Variants in ZNF385D observed in about 807,000 individuals in gnomAD.
The protein encoded by ZNF385D is zinc finger protein 659.
In ZNF385D, 15 loss-of-function variants were observed where a neutral mutation model predicts 35.8. The observed-to-expected ratio is 0.42, with a 90% CI of 0.28 to 0.64. The LOEUF (loss-of-function observed/expected upper bound fraction) is 0.64, where lower values mean the gene tolerates loss of function less well. Ranked by LOEUF, ZNF385D falls within the 30% of genes least tolerant of loss-of-function variation. The pLI is 0.23. For missense variants in ZNF385D, 474 were observed against 494.6 expected (o/e 0.96, Z 0.39); for synonymous variants, 212 against 186.8 (o/e 1.13, Z -1.10).
chr3:21,989,386 A>G (rs1417718418), intron 3 of ZNF385D, among the ~76,000 whole-genome samples: 1 of 152,142 alleles, frequency 6.6e-6, no homozygotes, highest in Non-Finnish European at 1.5e-5. Flanking sequence ...TCTCCAAATT[A>G]CGTAGGAATA....
At chr3:22,135,554 T>C (rs1270538477) in intron 3 of ZNF385D, among the ~76,000 whole-genome samples, 1 of 152,174 alleles carries the variant, frequency 6.6e-6, no homozygotes, top group East Asian at 1.9e-4. Flanking sequence ...TCAACTCTTC[T>C]TAAATTGATC....
At chr3:21,956,798 A>G (rs1350886116) in intron 3 of ZNF385D, among the ~76,000 whole-genome samples, 1 of 151,764 alleles carries the variant, frequency 6.6e-6, no homozygotes, top group Admixed American at 6.6e-5. Flanking sequence ...AAGACCTTCA[A>G]CAAAAGCATT....
intron 4 of ZNF385D, among the ~76,000 whole-genome samples, chr3:21,471,739 T>C (rs1703911307): frequency 6.6e-6 from 1 of 152,162 alleles, no homozygotes; most frequent in Admixed American, 6.6e-5. Flanking sequence ...TAAGACTTTT[T>C]AGTTTTGATA....
chr3:21,920,472 T>G (rs1700400636), intron 3 of ZNF385D, among the ~76,000 whole-genome samples: 1 of 152,122 alleles, frequency 6.6e-6, no homozygotes. Flanking sequence ...TAGTAGGTTT[T>G]TTTTAGGTTT....
intron 2 of ZNF385D, among the ~76,000 whole-genome samples, chr3:22,329,515 A>T (rs911350534): frequency 2.6e-5 from 4 of 152,184 alleles, no homozygotes; most frequent in Non-Finnish European, 5.9e-5. Flanking sequence ...TATTTATCTT[A>T]AAAATTATGT....
intron 2 of ZNF385D, among the ~76,000 whole-genome samples, chr3:22,317,447 T>TA (rs1013177918): frequency 1.3e-5 from 2 of 152,068 alleles, no homozygotes; most frequent in Admixed American, 1.3e-4. Context: ...ACAGAACTTC[T>TA]ACCTATTCTT....
intron 3 of ZNF385D, among the ~76,000 whole-genome samples, chr3:21,896,987 G>A (rs1435158231): frequency 1.3e-5 from 2 of 152,070 alleles, no homozygotes; most frequent in Non-Finnish European, 2.9e-5. Flanking sequence ...AGTGAGGAAT[G>A]AGTTACAATT....
chr3:21,937,624 T>A (rs2125264075), intron 3 of ZNF385D, among the ~76,000 whole-genome samples: 1 of 152,210 alleles, frequency 6.6e-6, no homozygotes, highest in South Asian at 2.1e-4. Flanking sequence ...AAATAAAAAA[T>A]TTTAAAAACC....
chr3:21,949,461 C>A (rs1575988552), intron 3 of ZNF385D, among the ~76,000 whole-genome samples: 1 of 151,514 alleles, frequency 6.6e-6, no homozygotes, highest in East Asian at 1.9e-4. Flanking sequence ...CTATTGAGCT[C>A]AAGTGTTTTA....
intron 2 of ZNF385D, among the ~76,000 whole-genome samples, chr3:22,238,900 T>C (rs923872433): frequency 1.3e-4 from 19 of 150,428 alleles, no homozygotes; most frequent in African/African-American, 4.7e-4. Flanking sequence ...GCAGTTATTT[T>C]TTCTTTTGCA....
At chr3:22,117,218 G>A (rs987225372) in intron 3 of ZNF385D, among the ~76,000 whole-genome samples, 1 of 151,958 alleles carries the variant, frequency 6.6e-6, no homozygotes, top group African/African-American at 2.4e-5. Context: ...ACAAGTAGAA[G>A]TGTGCTTTGG....
At chr3:21,480,841 C>T (rs185715754) in intron 4 of ZNF385D, among the ~76,000 whole-genome samples, 4 of 152,180 alleles carry the variant, frequency 2.6e-5, no homozygotes, top group East Asian at 1.9e-4. Flanking sequence ...GATATGTATT[C>T]GGATATGGTG....
intron 3 of ZNF385D, among the ~76,000 whole-genome samples, chr3:22,073,942 A>G (rs998031785): frequency 1.3e-5 from 2 of 151,980 alleles, no homozygotes; most frequent in African/African-American, 4.8e-5. Context: ...TCATGTATTA[A>G]AAGGAACATC....
chr3:21,941,360 G>A (rs762868564), intron 3 of ZNF385D, among the ~76,000 whole-genome samples: 2 of 152,042 alleles, frequency 1.3e-5, no homozygotes, highest in Non-Finnish European at 2.9e-5. Context: ...TATGCACTAA[G>A]CTGACTCAAA....
At chr3:22,086,157 G>A (rs951445657) in intron 3 of ZNF385D, among the ~76,000 whole-genome samples, 1 of 152,098 alleles carries the variant, frequency 6.6e-6, no homozygotes, top group Admixed American at 6.6e-5. Context: ...CAGGGATGCT[G>A]TCTCTCACCA....
intron 3 of ZNF385D, among the ~76,000 whole-genome samples, chr3:21,518,936 C>T (rs1035564390): frequency 1.3e-5 from 2 of 152,094 alleles, no homozygotes; most frequent in African/African-American, 4.8e-5. Context: ...GTGTAGTTAT[C>T]ATGTAAATAG....
chr3:21,685,065 A>G (rs1176825242), intron 1 of ZNF385D, among the ~76,000 whole-genome samples: 1 of 152,204 alleles, frequency 6.6e-6, no homozygotes, highest in African/African-American at 2.4e-5. Context: ...TCTAACTTGT[A>G]TGTGATAAAG....
intron 1 of ZNF385D, among the ~76,000 whole-genome samples, chr3:21,741,172 A>T (rs1009127710): frequency 1.3e-5 from 2 of 152,158 alleles, no homozygotes; most frequent in African/African-American, 4.8e-5. Context: ...CTCAAAGGAA[A>T]CCAAGAGGTC....
intron 1 of ZNF385D, among the ~76,000 whole-genome samples, chr3:21,715,284 ACT>A (rs2068270727): frequency 6.6e-6 from 1 of 151,250 alleles, no homozygotes; most frequent in South Asian, 2.1e-4. Flanking sequence ...CTATCATTCC[ACT>A]CTCTATACCA....
Sources: gnomAD v4.1 joint callset for allele counts (sites outside exome capture counted in the v4.1 genomes callset) on GRCh38, gnomAD v4.1.1 for gene constraint, MANE v1.5 for transcripts, NCBI Gene and HGNC (gene_info 2026-07-23, HGNC 2026-07-21) for gene names.